Variants in WDPCP observed in about 807,000 individuals in gnomAD.
WDPCP encodes the protein WD repeat containing planar cell polarity effector.
In WDPCP, 71 loss-of-function variants were observed where a neutral mutation model predicts 93.1. The ratio of observed to expected loss-of-function variants is 0.76; its 90% CI spans 0.63 to 0.93. The LOEUF is 0.93. Among genes scored for constraint, WDPCP ranks in the 40% least tolerant of loss-of-function variants. WDPCP has a pLI of 0.00. For missense variants in WDPCP, 844 were observed against 887.4 expected (o/e 0.95, Z 0.62); for synonymous variants, 315 against 315.0 (o/e 1.00, Z 0.00).
At chr2:63,686,818 C>A (rs1668810725) in intron 2 of WDPCP, among the ~76,000 whole-genome samples, 1 of 151,442 alleles carries the variant, frequency 6.6e-6, no homozygotes, top group Admixed American at 6.6e-5. Flanking sequence ...CATACAGTCT[C>A]TTGAGAAAGG....
chr2:63,465,722 G>C (rs1382127762), intron 6 of WDPCP, among the ~76,000 whole-genome samples: 1 of 152,108 alleles, frequency 6.6e-6, no homozygotes, highest in Non-Finnish European at 1.5e-5. Context: ...CACAAAACTT[G>C]TCAAATTTTG....
intron 2 of WDPCP, among the ~76,000 whole-genome samples, chr2:63,669,735 C>A (rs1423336323): frequency 6.6e-6 from 1 of 152,160 alleles, no homozygotes; most frequent in Admixed American, 6.5e-5. Context: ...TGCATTTGCT[C>A]AAAACCCCAG....
At chr2:63,534,793 A>C (rs1295272427) in intron 1 of WDPCP, among the ~76,000 whole-genome samples, 1 of 152,172 alleles carries the variant, frequency 6.6e-6, no homozygotes, top group South Asian at 2.1e-4. Flanking sequence ...CCCTTTGAAA[A>C]CTCACACAAG....
At chr2:63,758,825 T>C (rs1670008404) in intron 2 of WDPCP, among the ~76,000 whole-genome samples, 1 of 152,122 alleles carries the variant, frequency 6.6e-6, no homozygotes, top group Admixed American at 6.6e-5. Flanking sequence ...TTGCCCAGGC[T>C]GGAGTGCAGT....
At chr2:63,135,935 T>C (rs1045921980) in intron 17 of WDPCP, among the ~76,000 whole-genome samples, 1 of 152,178 alleles carries the variant, frequency 6.6e-6, no homozygotes. Context: ...GGTCCTGCTA[T>C]GTTGCCCAGG....
intron 2 of WDPCP, among the ~76,000 whole-genome samples, chr2:63,809,594 G>A (rs1188284835): frequency 3.9e-3 from 557 of 141,146 alleles, no homozygotes; most frequent in Non-Finnish European, 5.2e-3. Flanking sequence ...TTGGGATCCT[G>A]TTGATCTGTG....
intron 1 of WDPCP, among the ~76,000 whole-genome samples, chr2:63,568,401 G>C (rs183186070): frequency 6.6e-6 from 1 of 150,994 alleles, no homozygotes; most frequent in Non-Finnish European, 1.5e-5. Context: ...TTCCACAACA[G>C]CCTCTCATTT....
chr2:63,151,617 G>T (rs1574737470), intron 17 of WDPCP, among the ~76,000 whole-genome samples: 1 of 151,968 alleles, frequency 6.6e-6, no homozygotes, highest in Non-Finnish European at 1.5e-5. Flanking sequence ...TGAAGCTTTC[G>T]CAAATTAAAC....
intron 2 of WDPCP, among the ~76,000 whole-genome samples, chr2:63,661,289 G>C (rs1710224038): frequency 6.6e-6 from 1 of 152,176 alleles, no homozygotes; most frequent in African/African-American, 2.4e-5. Flanking sequence ...GTTGTTGGTA[G>C]TATTCACTTC....
At chr2:63,402,283 A>AG (rs1349358179) in intron 10 of WDPCP, among the ~76,000 whole-genome samples, 1 of 152,140 alleles carries the variant, frequency 6.6e-6, no homozygotes, top group Non-Finnish European at 1.5e-5. Context: ...ACATGGACAC[A>AG]GGGAGGGGAA....
chr2:63,454,954 T>G (rs890062946), intron 6 of WDPCP, among the ~76,000 whole-genome samples: 1 of 152,018 alleles, frequency 6.6e-6, no homozygotes, highest in Non-Finnish European at 1.5e-5. Flanking sequence ...ACTATCAAAA[T>G]TACCCTTCAT....
chr2:63,158,831 C>T (rs1672442230), intron 15 of WDPCP, among the ~76,000 whole-genome samples: 1 of 151,938 alleles, frequency 6.6e-6, no homozygotes, highest in Non-Finnish European at 1.5e-5. Flanking sequence ...TCAAACCTAT[C>T]AATGAGTTAA....
At chr2:63,524,359 C>T (rs989150198) in intron 1 of WDPCP, among the ~76,000 whole-genome samples, 8 of 152,144 alleles carry the variant, frequency 5.3e-5, no homozygotes, top group African/African-American at 1.9e-4. Context: ...AACTATAATA[C>T]AAGGCTACAG....
intron 12 of WDPCP, among the ~76,000 whole-genome samples, chr2:63,371,265 T>TAATA (rs972008135): frequency 6.6e-6 from 1 of 152,136 alleles, no homozygotes; most frequent in African/African-American, 2.4e-5. Context: ...TCAGAACCTT[T>TAATA]AATATGTTCA....
Position 63,120,507 on chromosome 2 carries a change from T to C in WDPCP, c.*1499A>G, listed in dbSNP as rs890280156. On this transcript the variant is annotated 3_prime_UTR_variant, in exon 18 of 18. Coordinates refer to ENST00000272321, the MANE Select transcript of WDPCP (RefSeq NM_015910.7). The stretch of plus-strand genomic sequence containing the variant: ...TCTAATATTAAACAATGTTGATTAT[T>C]ATTATAGATGTCTATAATTTTTTTT... Among the ~76,000 whole-genome samples the C allele has an allele frequency of 6.6e-6, 1 of 151,038 alleles. No homozygotes were observed. The highest frequency in any genetic ancestry group is 2.4e-5 in the African/African-American group (1 of 41,164).
chr2:63,694,449 G>GA (rs1191346673), intron 2 of WDPCP, among the ~76,000 whole-genome samples: 12 of 151,824 alleles, frequency 7.9e-5, no homozygotes, highest in Admixed American at 6.6e-4. Context: ...TTGTTTAAAT[G>GA]AAAAAAATGA....
At chr2:63,364,706 C>T (rs970405295) in intron 12 of WDPCP, among the ~76,000 whole-genome samples, 1 of 152,118 alleles carries the variant, frequency 6.6e-6, no homozygotes, top group Non-Finnish European at 1.5e-5. Flanking sequence ...AGTGCTAGGA[C>T]CTATGAAGTC....
intron 17 of WDPCP, among the ~76,000 whole-genome samples, chr2:63,147,057 A>G (rs1671565673): frequency 6.6e-6 from 1 of 152,214 alleles, no homozygotes; most frequent in Non-Finnish European, 1.5e-5. Context: ...AAAGTGATAT[A>G]ATAAGTATTA....
chr2:63,778,439 C>T (rs1670338084), intron 2 of WDPCP, among the ~76,000 whole-genome samples: 1 of 151,972 alleles, frequency 6.6e-6, no homozygotes, highest in Non-Finnish European at 1.5e-5. Flanking sequence ...AAACCCCTGA[C>T]CTCATGATCC....
Sources: gnomAD v4.1 joint callset for allele counts (sites outside exome capture counted in the v4.1 genomes callset) on GRCh38, gnomAD v4.1.1 for gene constraint, MANE v1.5 for transcripts, NCBI Gene and HGNC (gene_info 2026-07-23, HGNC 2026-07-21) for gene names.